Variants in DOK6 observed in about 807,000 individuals in gnomAD.
DOK6 encodes the protein docking protein 6, also known as downstream of tyrosine kinase 6.
Under a neutral mutation model 44.0 loss-of-function variants are expected in DOK6, and 22 were observed. That is an observed-to-expected ratio of 0.50 (90% CI 0.36 to 0.71). The LOEUF is 0.71. Among genes scored for constraint, DOK6 ranks in the 30% least tolerant of loss-of-function variants. The pLI is 0.00. For missense variants in DOK6, 340 were observed against 416.4 expected (o/e 0.82, Z 1.60); for synonymous variants, 166 against 145.5 (o/e 1.14, Z -1.01).
intron 6 of DOK6, among the ~76,000 whole-genome samples, chr18:69,756,203 G>A (rs1008786604): frequency 2.5e-4 from 38 of 152,210 alleles, no homozygotes; most frequent in Admixed American, 2.1e-3. Flanking sequence ...CCATTTCACC[G>A]TCTCCTGCCG....
intron 7 of DOK6, among the ~76,000 whole-genome samples, chr18:69,788,609 C>A (rs1368689646): frequency 6.6e-6 from 1 of 152,138 alleles, no homozygotes; most frequent in Non-Finnish European, 1.5e-5. Flanking sequence ...TCCAAGGCGT[C>A]CTAACTGATC....
chr18:69,467,791 T>A (rs939255809), intron 1 of DOK6, among the ~76,000 whole-genome samples: 16 of 152,140 alleles, frequency 1.1e-4, no homozygotes, highest in Admixed American at 7.2e-4. Flanking sequence ...CCTGTATCAT[T>A]TATTACTATG....
chr18:69,752,022 T>C (rs1453448178), intron 6 of DOK6, among the ~76,000 whole-genome samples: 4 of 151,456 alleles, frequency 2.6e-5, no homozygotes, highest in Non-Finnish European at 5.9e-5. Flanking sequence ...TTTTAATTAA[T>C]ACTTAACTTG....
chr18:69,605,431 A>G (rs977463005), intron 3 of DOK6, among the ~76,000 whole-genome samples: 4 of 152,098 alleles, frequency 2.6e-5, no homozygotes, highest in African/African-American at 9.7e-5. Flanking sequence ...GCTAATTACC[A>G]AACGTATATT....
intron 7 of DOK6, among the ~76,000 whole-genome samples, chr18:69,781,580 C>A (rs546698646): frequency 9.9e-5 from 15 of 152,234 alleles, no homozygotes; most frequent in Non-Finnish European, 4.4e-5. Context: ...CTAACCGTTT[C>A]TGCATGGAAA....
intron 7 of DOK6, among the ~76,000 whole-genome samples, chr18:69,835,956 A>G (rs1002422580): frequency 4.6e-5 from 7 of 152,196 alleles, no homozygotes; most frequent in Admixed American, 1.3e-4. Flanking sequence ...AATTTCCTTC[A>G]TAGTATATAT....
At chr18:69,720,375 C>G (rs926368591) in intron 5 of DOK6, among the ~76,000 whole-genome samples, 1 of 152,052 alleles carries the variant, frequency 6.6e-6, no homozygotes, top group Non-Finnish European at 1.5e-5. Flanking sequence ...TGTTTGCATT[C>G]CCCTTTTGAT....
chr18:69,500,494 T>G (rs1981018217), intron 1 of DOK6, among the ~76,000 whole-genome samples: 1 of 152,130 alleles, frequency 6.6e-6, no homozygotes, highest in Non-Finnish European at 1.5e-5. Flanking sequence ...TATTGGATGT[T>G]CAACTCCTCT....
At chr18:69,656,554 A>G (rs1985372270) in intron 3 of DOK6, among the ~76,000 whole-genome samples, 1 of 152,228 alleles carries the variant, frequency 6.6e-6, no homozygotes, top group Non-Finnish European at 1.5e-5. Context: ...GGCACATAGT[A>G]TAAGTTCAAT....
chr18:69,694,044 G>A (rs1171782603), intron 4 of DOK6, among the ~76,000 whole-genome samples: 5 of 112,262 alleles, frequency 4.5e-5, no homozygotes. Context: ...GGGCGACAGA[G>A]CGAGACTCCG....
intron 7 of DOK6, among the ~76,000 whole-genome samples, chr18:69,760,408 C>T (rs1979509243): frequency 6.6e-6 from 1 of 151,434 alleles, no homozygotes; most frequent in African/African-American, 2.4e-5. Flanking sequence ...ATTTTTTTTT[C>T]CCCCAGAGCA....
intron 1 of DOK6, among the ~76,000 whole-genome samples, chr18:69,520,864 A>G (rs1599171167): frequency 6.6e-6 from 1 of 151,930 alleles, no homozygotes; most frequent in African/African-American, 2.4e-5. Context: ...TTCCGTTCAC[A>G]TCTATGAAAT....
intron 1 of DOK6, among the ~76,000 whole-genome samples, chr18:69,532,153 A>G (rs888621168): frequency 7.2e-5 from 11 of 152,170 alleles, no homozygotes; most frequent in African/African-American, 2.4e-4. Flanking sequence ...TGAGAAATAA[A>G]CGTCTGTTGT....
At chr18:69,782,719 G>T (rs150269755) in intron 7 of DOK6, among the ~76,000 whole-genome samples, 1 of 151,836 alleles carries the variant, frequency 6.6e-6, no homozygotes, top group Admixed American at 6.5e-5. Context: ...AGCTGAGATC[G>T]CACCACTGCA....
chr18:69,728,880 A>G (rs1418409510), intron 5 of DOK6, among the ~76,000 whole-genome samples: 1 of 152,182 alleles, frequency 6.6e-6, no homozygotes, highest in Non-Finnish European at 1.5e-5. Flanking sequence ...CATTTAAAAT[A>G]CAATTTTTAT....
intron 7 of DOK6, among the ~76,000 whole-genome samples, chr18:69,837,013 C>T (rs183276400): frequency 1.6e-4 from 25 of 152,050 alleles, no homozygotes; most frequent in East Asian, 3.9e-4. Flanking sequence ...TGTAAAGAAA[C>T]GGTTGCAGTA....
intron 2 of DOK6, among the ~76,000 whole-genome samples, chr18:69,591,263 T>C (rs1983615831): frequency 1.3e-5 from 2 of 152,174 alleles, no homozygotes; most frequent in African/African-American, 4.8e-5. Flanking sequence ...CATAGGTCAC[T>C]TCTGCTGTAT....
intron 7 of DOK6, among the ~76,000 whole-genome samples, chr18:69,799,558 A>G (rs576249046): frequency 1.3e-5 from 2 of 152,206 alleles, no homozygotes; most frequent in East Asian, 3.9e-4. Flanking sequence ...CTTATCTCCA[A>G]TATTTTCCTG....
At chr18:69,677,034 C>T (rs944794786) in intron 3 of DOK6, among the ~76,000 whole-genome samples, 3 of 151,980 alleles carry the variant, frequency 2.0e-5, no homozygotes, top group African/African-American at 7.2e-5. Context: ...AGAAGAGATA[C>T]TTTTAAATTC....
Sources: allele counts gnomAD v4.1 joint callset (sites outside exome capture counted in the v4.1 genomes callset), GRCh38; gene constraint gnomAD v4.1.1; transcripts MANE v1.5; gene names NCBI Gene and HGNC (gene_info 2026-07-23, HGNC 2026-07-21).